RPH3AL: variants seen among roughly 807,000 people sequenced by gnomAD.
The protein encoded by RPH3AL is rabphilin 3A like (without C2 domains), also known as rab effector Noc2.
In RPH3AL, 38 loss-of-function variants were observed where a neutral mutation model predicts 43.1. That is an observed-to-expected ratio of 0.88 (90% confidence interval 0.68 to 1.15). RPH3AL has a LOEUF of 1.15. RPH3AL is among the 50% of genes most tolerant of loss of function. RPH3AL has a pLI of 0.00. For synonymous variants in RPH3AL, 189 were observed against 176.3 expected (o/e 1.07, Z -0.57); for missense variants, 462 against 423.2 (o/e 1.09, Z -0.81).
intron 5 of RPH3AL, among the ~76,000 whole-genome samples, chr17:315,774 G>T (rs75944578): frequency 1.1e-5 from 1 of 91,310 alleles, no homozygotes; most frequent in Non-Finnish European, 2.5e-5. Flanking sequence ...TAGTCCCCGT[G>T]ACCCCATCTC....
intron 6 of RPH3AL, among the ~76,000 whole-genome samples, chr17:276,030 GA>G (rs1225974078): frequency 6.6e-6 from 1 of 152,202 alleles, no homozygotes; most frequent in Non-Finnish European, 1.5e-5. Context: ...AGCTCATTAG[GA>G]GGATGTCACG....
chr17:220,443 G>A (rs1300991628), intron 7 of RPH3AL, among the ~76,000 whole-genome samples: 2 of 141,652 alleles, frequency 1.4e-5, no homozygotes, highest in African/African-American at 5.3e-5. Flanking sequence ...TGAGACAATA[G>A]ACCCAAGCAC....
Position 322,374 on chromosome 17 carries a change from G to C in RPH3AL, c.78-959C>G, listed in dbSNP as rs933371502. 1 of 152,218 alleles carries C rather than the reference G, an allele frequency of 6.6e-6. No individual in the cohort carries two copies. Among genetic ancestry groups the C allele is most frequent in the Non-Finnish European group, 1.5e-5 (1 of 68,076 alleles). The allele number at this position is 152,218 out of a possible 1,614,324, so 9.4% of individuals were successfully genotyped here. ...TGCTGTGTGCAGAGATGAACGAGAC[G>C]GGAAAAGCCACTGCACCCTGAAGAA... On this transcript the variant is annotated intron_variant, in intron 3 of 9. Transcript: ENST00000331302. This position sits in a 1 kb window ranked among gnomAD's most constrained non-coding sequence, Gnocchi z 4.0.
At chr17:238,792 A>G (rs1045531597) in intron 7 of RPH3AL, among the ~76,000 whole-genome samples, 3 of 152,194 alleles carry the variant, frequency 2.0e-5, no homozygotes, top group African/African-American at 7.2e-5. Context: ...CTTGAAGGCA[A>G]GAAGCCTGTG....
chr17:222,149 T>G (rs536616932), intron 7 of RPH3AL, among the ~76,000 whole-genome samples: 1 of 152,094 alleles, frequency 6.6e-6, no homozygotes, highest in East Asian at 1.9e-4. Context: ...CAGTCAGAGC[T>G]GACCCTTAGG....
intron 7 of RPH3AL, among the ~76,000 whole-genome samples, chr17:241,556 A>C (rs1315884680): frequency 6.6e-6 from 1 of 152,162 alleles, no homozygotes; most frequent in Non-Finnish European, 1.5e-5. Flanking sequence ...TACTCTTTTA[A>C]GTGAAAAAAG....
chr17:248,666 C>G (rs986253347), intron 6 of RPH3AL, among the ~76,000 whole-genome samples: 1 of 152,166 alleles, frequency 6.6e-6, no homozygotes, highest in African/African-American at 2.4e-5. Context: ...TCTAATATCC[C>G]CAGCTTGGAC....
At chr17:273,860 C>T (rs2151594932) in intron 6 of RPH3AL, among the ~76,000 whole-genome samples, 1 of 152,298 alleles carries the variant, frequency 6.6e-6, no homozygotes, top group East Asian at 1.9e-4. Flanking sequence ...GAAGAACACG[C>T]TAATTGTCTT....
chr17:309,224 G>T (rs536607853), intron 5 of RPH3AL, among the ~76,000 whole-genome samples: 187 of 152,300 alleles, frequency 1.2e-3, no homozygotes, highest in African/African-American at 3.4e-3. Context: ...GAGCCCAGGA[G>T]TTTGAGGCTG....
At chr17:291,228 C>T (rs1021234475) in intron 5 of RPH3AL, among the ~76,000 whole-genome samples, 3 of 152,160 alleles carry the variant, frequency 2.0e-5, no homozygotes, top group East Asian at 3.9e-4. Context: ...TCCCATTGAA[C>T]GGAGTAGTTT....
chr17:350,894 G>A (rs2045340974), intron 1 of RPH3AL, among the ~76,000 whole-genome samples: 1 of 152,150 alleles, frequency 6.6e-6, no homozygotes, highest in Non-Finnish European at 1.5e-5. Context: ...GCCCAGAGAG[G>A]AGCTTCCTTC....
In RPH3AL at chr17:225,995, A is replaced by G. The variant is rs142931600; in HGVS notation, c.614-6259T>C. Among the ~76,000 whole-genome samples the G allele has an allele frequency of 6.6e-5, 10 of 152,356 alleles. No individual in the cohort carries two copies. The highest frequency in any genetic ancestry group is 2.2e-4 in the African/African-American group (9 of 41,594). On this transcript the variant is annotated intron_variant, in intron 7 of 9. Coordinates refer to ENST00000331302, the MANE Select transcript of RPH3AL (RefSeq NM_006987.4). The surrounding 1 kb of genome is among the most constrained non-coding windows in gnomAD (Gnocchi z 4.4). ...GCTGGGAGCAGGCGAAAACGGCAAG[A>G]CAACCGTGAACCATGCCGTGCCATG...
intron 5 of RPH3AL, among the ~76,000 whole-genome samples, chr17:301,084 C>G (rs988318738): frequency 6.6e-6 from 1 of 152,256 alleles, no homozygotes. Context: ...TCTGTAGGGG[C>G]GCTGCCTCAG....
intron 5 of RPH3AL, among the ~76,000 whole-genome samples, chr17:291,438 C>T (rs542618358): frequency 5.3e-5 from 8 of 152,202 alleles, no homozygotes; most frequent in Admixed American, 2.0e-4. Context: ...AATTACTTTC[C>T]TGAGAGTTCC....
chr17:239,363 C>A (rs1282315943), intron 7 of RPH3AL, among the ~76,000 whole-genome samples: 3 of 152,200 alleles, frequency 2.0e-5, no homozygotes, highest in African/African-American at 7.2e-5. Context: ...AGAAAGAAAT[C>A]TAATTGCACC....
intron 5 of RPH3AL, among the ~76,000 whole-genome samples, chr17:314,125 T>A (rs545940196): frequency 4.6e-5 from 7 of 152,300 alleles, no homozygotes; most frequent in African/African-American, 1.7e-4. Context: ...GGAGCACCTG[T>A]ACTAACCGTT....
intron 1 of RPH3AL, among the ~76,000 whole-genome samples, chr17:335,049 G>A (rs1245287250): frequency 1.3e-5 from 2 of 152,242 alleles, no homozygotes; most frequent in Non-Finnish European, 2.9e-5. Context: ...GCACGAACGA[G>A]CGCGCTTTCA....
Position 323,553 on chromosome 17 carries a change from C to G in RPH3AL, c.78-2138G>C, listed in dbSNP as rs894576724. ...GGGCCAGGACACACTTCGTGTGGTT[C>G]CCGGGCCAGGGGAAGGGAGTTGGAA... On this transcript the variant is annotated intron_variant, in intron 3 of 9. Transcript: ENST00000331302. This position sits in a 1 kb window ranked among gnomAD's most constrained non-coding sequence, Gnocchi z 4.4. 3.9e-5 allele frequency among the ~76,000 whole-genome samples: 6 copies of G among 152,198 alleles called. No homozygotes were observed. Among genetic ancestry groups the G allele is most frequent in the African/African-American group, 1.4e-4 (6 of 41,450 alleles).
chr17:335,473 G>A (rs563189665), intron 1 of RPH3AL, among the ~76,000 whole-genome samples: 8 of 152,100 alleles, frequency 5.3e-5, no homozygotes, highest in Non-Finnish European at 8.8e-5. Context: ...TGCACGGCCC[G>A]GCCAAGAGTG....
Sources: gnomAD v4.1 joint callset for allele counts (sites outside exome capture counted in the v4.1 genomes callset) on GRCh38, gnomAD v4.1.1 for gene constraint, Gnocchi (gnomAD v3.1) non-coding constraint, MANE v1.5 for transcripts, NCBI Gene and HGNC (gene_info 2026-07-23, HGNC 2026-07-21) for gene names.